The following GAB2 variants were observed in gnomAD, a reference collection of about 807,000 sequenced individuals.
The protein encoded by GAB2 is GRB2 associated binding protein 2, also known as GRB2-associated-binding protein 2.
GAB2 carries 26 observed loss-of-function variants against 65.5 expected under a neutral mutation model. That is an observed-to-expected ratio of 0.40 (90% CI 0.29 to 0.55). The LOEUF (loss-of-function observed/expected upper bound fraction) is 0.55, where lower values mean the gene tolerates loss of function less well. Ranked by LOEUF, GAB2 falls within the 20% of genes least tolerant of loss-of-function variation. GAB2 has a pLI of 0.53. For synonymous variants in GAB2, 321 were observed against 329.6 expected (o/e 0.97, Z 0.28); for missense variants, 884 against 875.8 (o/e 1.01, Z -0.12).
At chr11:78,243,134 A>C (rs981596676) in intron 3 of GAB2, among the ~76,000 whole-genome samples, 5 of 150,422 alleles carry the variant, frequency 3.3e-5, no homozygotes, top group African/African-American at 1.2e-4. Flanking sequence ...CGTACTCTCC[A>C]GTATGGGCGA....
At chr11:78,230,554 T>A (rs994072615) in intron 3 of GAB2, among the ~76,000 whole-genome samples, 1 of 152,242 alleles carries the variant, frequency 6.6e-6, no homozygotes, top group Non-Finnish European at 1.5e-5. Flanking sequence ...CTTATGTCAG[T>A]TATTCAGGTC....
intron 1 of GAB2, among the ~76,000 whole-genome samples, chr11:78,346,267 C>G (rs1226272101): frequency 6.6e-6 from 1 of 152,108 alleles, no homozygotes; most frequent in African/African-American, 2.4e-5. Context: ...GCTCCATATT[C>G]AAAACATACC....
At chr11:78,330,352 A>G (rs994028559) in intron 1 of GAB2, among the ~76,000 whole-genome samples, 1 of 152,176 alleles carries the variant, frequency 6.6e-6, no homozygotes, top group Non-Finnish European at 1.5e-5. Flanking sequence ...TGAGTGACAA[A>G]CAGCAGGTCT....
At chr11:78,311,511 G>C (rs1855499065) in intron 1 of GAB2, among the ~76,000 whole-genome samples, 1 of 152,048 alleles carries the variant, frequency 6.6e-6, no homozygotes, top group Non-Finnish European at 1.5e-5. Context: ...ACAAAGGATA[G>C]AGCATTTGAA....
intron 3 of GAB2, among the ~76,000 whole-genome samples, chr11:78,248,947 T>A (rs2134519975): frequency 6.6e-6 from 1 of 152,354 alleles, no homozygotes; most frequent in Middle Eastern, 3.4e-3. Context: ...TTTTTAGGAC[T>A]CAGCTCTTCA....
intron 2 of GAB2, among the ~76,000 whole-genome samples, chr11:78,267,879 A>C (rs962875806): frequency 2.0e-5 from 3 of 151,236 alleles, no homozygotes; most frequent in Non-Finnish European, 4.4e-5. Flanking sequence ...AAAAAAAAAA[A>C]AAGAGTCTCT....
Position 78,396,216 on chromosome 11 carries a change from T to A in GAB2, c.75+21430A>T, listed in dbSNP as rs558488749. ...TGCTACACAAAGCAAAGTTTCACCGTAGTTCAAACAAAGAAATGTGGTAGG... is the reference window on the plus strand; with the variant it reads ...TGCTACACAAAGCAAAGTTTCACCGAAGTTCAAACAAAGAAATGTGGTAGG... On this transcript the variant is annotated intron_variant, in intron 1 of 9. Coordinates refer to ENST00000361507, the MANE Select transcript of GAB2 (RefSeq NM_080491.3). Among the ~76,000 whole-genome samples, 5 of 152,234 alleles carry A rather than the reference T, an allele frequency of 3.3e-5. No homozygotes were observed. The South Asian group carries it at 1.0e-3, about 31-fold the overall frequency.
chr11:78,401,673 A>G (rs1856975365), intron 1 of GAB2, among the ~76,000 whole-genome samples: 1 of 152,064 alleles, frequency 6.6e-6, no homozygotes, highest in Admixed American at 6.6e-5. Context: ...GTGTATATAT[A>G]TGTATACCAG....
rs530666923 is a variant in GAB2, at chr11:78,386,873, G to A, written c.75+30773C>T. Among the ~76,000 whole-genome samples, 7 of 152,332 alleles carry A rather than the reference G, an allele frequency of 4.6e-5. No individual in the cohort carries two copies. The South Asian group carries it at 1.0e-3, about 23-fold the overall frequency. ...TGACTATCTCTTACGAAGAGACAAT[G>A]TGATGTCAAGGAAGTTGGAAGGCAC... On this transcript the variant is annotated intron_variant, in intron 1 of 9. Transcript: ENST00000361507.
chr11:78,371,888 T>C (rs1856575824), intron 1 of GAB2, among the ~76,000 whole-genome samples: 1 of 152,214 alleles, frequency 6.6e-6, no homozygotes, highest in African/African-American at 2.4e-5. Context: ...TTCCATCTCT[T>C]ATTACAAGGG....
rs1010542215 is a variant in GAB2 at position 78,215,555 on chromosome 11, C to G, written c.*3717G>C. The G allele has an allele frequency of 2.6e-5, 4 of 152,538 alleles. No homozygotes were observed. Among genetic ancestry groups the G allele is most frequent in the Admixed American group, 2.0e-4 (3 of 15,288 alleles). The allele number at this position is 152,538 out of a possible 1,614,324, so 9.4% of individuals were successfully genotyped here. A position where few individuals can be genotyped will look rare whatever the true frequency, so the allele number is the denominator to read the frequency against. ...TTTAAATGGTAACAAGACAAGAACT[C>G]AAGACTGGGCTTCCACTAGCCCATT... On this transcript the variant is annotated 3_prime_UTR_variant, in exon 10 of 10. Coordinates refer to ENST00000361507, the MANE Select transcript of GAB2 (RefSeq NM_080491.3).
chr11:78,264,547 C>T (rs750758800), intron 2 of GAB2, among the ~76,000 whole-genome samples: 2 of 151,714 alleles, frequency 1.3e-5, no homozygotes, highest in African/African-American at 2.4e-5. Flanking sequence ...ACTACAGGCA[C>T]GTGCCACCAT....
chr11:78,354,387 ATGTAC>A (rs1856325502), intron 1 of GAB2, among the ~76,000 whole-genome samples: 1 of 152,136 alleles, frequency 6.6e-6, no homozygotes. Flanking sequence ...TACAGACCAT[ATGTAC>A]TGTACTGTAT....
In GAB2 at chr11:78,311,992, A is replaced by T. The variant is rs111812450; in HGVS notation, c.76-31091T>A. 9.4e-3 allele frequency among the ~76,000 whole-genome samples: 1,426 copies of T among 152,246 alleles called. 32 individuals carry two copies. Among genetic ancestry groups the T allele is most frequent in the African/African-American group, 0.033 (1,364 of 41,540 alleles). On this transcript the variant is annotated intron_variant, in intron 1 of 9. Transcript: ENST00000361507. Reference sequence around the variant, plus strand: ...TCCAGGGCTGGCTGTAGTGATAGACATCAGCTTCATGCCTTGCTGCAAATT... The same window carrying T: ...TCCAGGGCTGGCTGTAGTGATAGACTTCAGCTTCATGCCTTGCTGCAAATT...
chr11:78,391,522 GC>G (rs1856833517), intron 1 of GAB2, among the ~76,000 whole-genome samples: 1 of 152,170 alleles, frequency 6.6e-6, no homozygotes, highest in South Asian at 2.1e-4. Flanking sequence ...CACTCTTGGA[GC>G]CCTTAAGCAC....
intron 1 of GAB2, among the ~76,000 whole-genome samples, chr11:78,284,902 T>C (rs1866435195): frequency 6.6e-6 from 1 of 152,176 alleles, no homozygotes; most frequent in South Asian, 2.1e-4. Flanking sequence ...TAATGAATCA[T>C]TTTCTTGCAT....
chr11:78,341,542 T>A (rs1856095104), intron 1 of GAB2, among the ~76,000 whole-genome samples: 1 of 152,180 alleles, frequency 6.6e-6, no homozygotes, highest in Non-Finnish European at 1.5e-5. Flanking sequence ...ACCATAATGA[T>A]CCTGCACTAG....
At chr11:78,346,991 C>T (rs1440833059) in intron 1 of GAB2, among the ~76,000 whole-genome samples, 1 of 151,756 alleles carries the variant, frequency 6.6e-6, no homozygotes, top group Non-Finnish European at 1.5e-5. Context: ...CAGACTGACT[C>T]ACTATTTGTT....
chr11:78,280,818 G>A lies in GAB2; in HGVS notation c.159C>T (p.His53=), dbSNP rs761433566. The stretch of plus-strand genomic sequence containing the variant: ...TGATGATCCGCAGAGGCTTCTTGGA[G>A]TGATCGTTCTTGTAGTATTCCAGAA... The part of the protein sequence containing the change: ...PDVLEYYKND[H]SKKPLRIINL... The change falls in exon 2 of 10, where the codon CAC becomes CAT. Residue 53 remains histidine (H), a synonymous_variant. Coordinates refer to ENST00000361507, the MANE Select transcript of GAB2 (RefSeq NM_080491.3). The A allele has an allele frequency of 5.0e-6, 8 of 1,614,012 alleles. No homozygotes were observed. Among genetic ancestry groups the A allele is most frequent in the Middle Eastern group, 1.6e-4 (1 of 6,062 alleles).
Sources: allele counts gnomAD v4.1 joint callset (sites outside exome capture counted in the v4.1 genomes callset), GRCh38; gene constraint gnomAD v4.1.1; transcripts MANE v1.5; gene names NCBI Gene and HGNC (gene_info 2026-07-23, HGNC 2026-07-21).